The following PHYHIPL variants were observed in gnomAD, a reference collection of about 807,000 sequenced individuals.
PHYHIPL encodes the protein phytanoyl-CoA 2-hydroxylase interacting protein like.
In PHYHIPL, 9 loss-of-function variants were observed where a neutral mutation model predicts 33.4. The ratio of observed to expected loss-of-function variants is 0.27; its 90% confidence interval spans 0.16 to 0.47. The LOEUF is 0.47. Ranked by LOEUF, PHYHIPL falls within the 20% of genes least tolerant of loss-of-function variation. The pLI, the probability that PHYHIPL is intolerant of heterozygous loss-of-function variation, is 0.99. For missense variants in PHYHIPL, 365 were observed against 460.7 expected (o/e 0.79, Z 1.90); for synonymous variants, 153 against 154.1 (o/e 0.99, Z 0.05).
chr10:59,221,561 A>G, intron 1 of PHYHIPL: 1 of 406,028 alleles, frequency 2.5e-6, no homozygotes, highest in Non-Finnish European at 3.3e-6. Flanking sequence ...TGAATTTAAC[A>G]CTGGATATGG....
At chr10:59,210,163 A>C (rs887737092) in intron 1 of PHYHIPL, among the ~76,000 whole-genome samples, 1 of 151,278 alleles carries the variant, frequency 6.6e-6, no homozygotes, top group Non-Finnish European at 1.5e-5. Flanking sequence ...TGAGAGAAAA[A>C]TTTTGCGCTC....
chr10:59,211,755 A>G (rs1003084128), intron 1 of PHYHIPL, among the ~76,000 whole-genome samples: 4 of 151,342 alleles, frequency 2.6e-5, no homozygotes, highest in African/African-American at 9.7e-5. Context: ...ACAGCACAGC[A>G]TCTGAATAAA....
At chr10:59,177,103 C>T in intron 1 of PHYHIPL, 144 bp downstream of exon 1, 1 of 675,160 alleles carries the variant, frequency 1.5e-6, no homozygotes, top group Non-Finnish European at 2.4e-6. Flanking sequence ...GTGGGTTACC[C>T]TCCGCCCACC....
intron 1 of PHYHIPL, among the ~76,000 whole-genome samples, chr10:59,205,077 A>G (rs1369217360): frequency 6.6e-6 from 1 of 151,954 alleles, no homozygotes; most frequent in African/African-American, 2.4e-5. Flanking sequence ...TTGGCCTCGA[A>G]CTCCTGACCT....
intron 1 of PHYHIPL, among the ~76,000 whole-genome samples, chr10:59,212,210 T>A (rs1839474068): frequency 6.6e-6 from 1 of 152,192 alleles, no homozygotes; most frequent in Non-Finnish European, 1.5e-5. Context: ...GTCCTCAACC[T>A]TGTACTTCTT....
intron 1 of PHYHIPL, among the ~76,000 whole-genome samples, chr10:59,220,829 C>T (rs1015800660): frequency 1.3e-5 from 2 of 151,928 alleles, no homozygotes; most frequent in African/African-American, 2.4e-5. Context: ...AGTCATATAA[C>T]CTCTTTGTAC....
At chr10:59,244,965 A>C in intron 4 of PHYHIPL, 92 bp from the exon 5 acceptor site, 1 of 1,332,552 alleles carries the variant, frequency 7.5e-7, no homozygotes, top group Non-Finnish European at 1.0e-6. Context: ...GGCCTTTAAC[A>C]GTAGATGTTT....
intron 1 of PHYHIPL, among the ~76,000 whole-genome samples, chr10:59,228,531 AG>A (rs1463392451): frequency 6.6e-6 from 1 of 152,152 alleles, no homozygotes; most frequent in African/African-American, 2.4e-5. Flanking sequence ...TTTAATGAAG[AG>A]GAAAGCAGTT....
At chr10:59,177,804 TGTGG>T (rs1554853943) in intron 1 of PHYHIPL, among the ~76,000 whole-genome samples, 2 of 152,174 alleles carry the variant, frequency 1.3e-5, no homozygotes, top group Non-Finnish European at 2.9e-5. Flanking sequence ...ACTTTAGTAA[TGTGG>T]TACAAAACTT....
intron 4 of PHYHIPL, among the ~76,000 whole-genome samples, chr10:59,240,633 T>C (rs1265558668): frequency 1.3e-5 from 2 of 152,100 alleles, no homozygotes; most frequent in African/African-American, 2.4e-5. Context: ...CTGTATTTGT[T>C]ACGCATAAAA....
chr10:59,242,783 T>A (rs1180644763), intron 4 of PHYHIPL, among the ~76,000 whole-genome samples: 1 of 151,960 alleles, frequency 6.6e-6, no homozygotes, highest in Non-Finnish European at 1.5e-5. Flanking sequence ...ACTCCATGGA[T>A]TCCACAGCAG....
chr10:59,230,084 C>T (rs902892351), intron 1 of PHYHIPL, among the ~76,000 whole-genome samples: 3 of 151,982 alleles, frequency 2.0e-5, no homozygotes, highest in African/African-American at 4.8e-5. Flanking sequence ...GTAAAATGGG[C>T]TTATTATCCT....
chr10:59,184,138 A>G (rs944575341), intron 1 of PHYHIPL, among the ~76,000 whole-genome samples: 1 of 152,180 alleles, frequency 6.6e-6, no homozygotes, highest in Non-Finnish European at 1.5e-5. Context: ...TATATCTGTG[A>G]TGCAGAACAG....
chr10:59,204,057 C>T (rs1839213523), intron 1 of PHYHIPL, among the ~76,000 whole-genome samples: 1 of 152,002 alleles, frequency 6.6e-6, no homozygotes, highest in Non-Finnish European at 1.5e-5. Flanking sequence ...AGATCAAATT[C>T]CATGGGAAGT....
At chr10:59,196,344 A>G (rs116211045) in intron 1 of PHYHIPL, among the ~76,000 whole-genome samples, 1,818 of 150,666 alleles carry the variant, frequency 0.012, 12 homozygotes, top group African/African-American at 0.023. Flanking sequence ...TATAATGTAC[A>G]TAATATATTA....
intron 1 of PHYHIPL, among the ~76,000 whole-genome samples, chr10:59,226,185 T>C (rs12258886): frequency 0.089 from 13,566 of 152,050 alleles, 1,478 homozygotes; most frequent in African/African-American, 0.26. Flanking sequence ...TATACTAATT[T>C]TAAAATTCCA....
chr10:59,187,243 T>C (rs1188883149), intron 1 of PHYHIPL, among the ~76,000 whole-genome samples: 1 of 152,236 alleles, frequency 6.6e-6, no homozygotes, highest in Admixed American at 6.5e-5. Flanking sequence ...TATCTTTGGT[T>C]CTGTTTATAG....
chr10:59,204,792 A>T (rs944151051), intron 1 of PHYHIPL, among the ~76,000 whole-genome samples: 3 of 150,960 alleles, frequency 2.0e-5, no homozygotes, highest in African/African-American at 7.3e-5. Flanking sequence ...TGTGTTTATC[A>T]TTCACTCAAC....
At chr10:59,179,139 G>A (rs2094831684) in intron 1 of PHYHIPL, among the ~76,000 whole-genome samples, 1 of 152,120 alleles carries the variant, frequency 6.6e-6, no homozygotes. Context: ...TGGCTTCAAA[G>A]GGATAATTTA....
Sources: gnomAD v4.1 joint callset for allele counts (sites outside exome capture counted in the v4.1 genomes callset) on GRCh38, gnomAD v4.1.1 for gene constraint, MANE v1.5 for transcripts, NCBI Gene and HGNC (gene_info 2026-07-23, HGNC 2026-07-21) for gene names.